PPM1L: variants seen among roughly 807,000 people sequenced by gnomAD.
The protein encoded by PPM1L is protein phosphatase 1L.
In PPM1L, 13 loss-of-function variants were observed where a neutral mutation model predicts 31.4. That is an observed-to-expected ratio of 0.41 (90% CI 0.27 to 0.66). PPM1L has a LOEUF of 0.66. Among genes scored for constraint, PPM1L ranks in the 30% least tolerant of loss-of-function variants. PPM1L has a pLI of 0.29. For missense variants in PPM1L, 326 were observed against 453.7 expected, an observed-to-expected ratio of 0.72 and a Z score of 2.56; for synonymous variants, 184 against 175.4, an observed-to-expected ratio of 1.05 and a Z score of -0.39.
chr3:161,043,036 T>A (rs1391203931), intron 2 of PPM1L, among the ~76,000 whole-genome samples: 1 of 116,768 alleles, frequency 8.6e-6, no homozygotes. Context: ...AAAAAAAAAT[T>A]GTTATTTTTT....
chr3:160,968,930 A>G (rs1716238342), intron 2 of PPM1L, among the ~76,000 whole-genome samples: 1 of 152,238 alleles, frequency 6.6e-6, no homozygotes, highest in Admixed American at 6.5e-5. Flanking sequence ...CAGTTTGGCT[A>G]GAAACCTATA....
At chr3:160,978,423 G>C (rs1716677721) in intron 2 of PPM1L, among the ~76,000 whole-genome samples, 1 of 152,202 alleles carries the variant, frequency 6.6e-6, no homozygotes, top group Non-Finnish European at 1.5e-5. Flanking sequence ...GAGCAAGAGA[G>C]TATGAAATGG....
At chr3:160,882,061 A>AG (rs1367615128) in intron 1 of PPM1L, among the ~76,000 whole-genome samples, 4 of 152,072 alleles carry the variant, frequency 2.6e-5, no homozygotes, top group Non-Finnish European at 5.9e-5. Flanking sequence ...AAAAAAAAAA[A>AG]AAAAGTATGT....
rs752320702 is a variant in PPM1L at position 161,078,150 on chromosome 3, G to A, written c.*8993G>A. 3 of 152,162 alleles carry A rather than the reference G, an allele frequency of 2.0e-5. No homozygotes were observed. The highest frequency in any genetic ancestry group is 4.4e-5 in the Non-Finnish European group (3 of 68,024). 9.4% of individuals were successfully genotyped at this position (152,162 alleles called of 1,614,324 possible). A position where few individuals can be genotyped will look rare whatever the true frequency, so the allele number is the denominator to read the frequency against. On this transcript the variant is annotated 3_prime_UTR_variant, in exon 4 of 4. Transcript: ENST00000498165. ...ACCAAGCCAATTTCTGATTTAGTAAGATTAAAACCATAGATGGAGCTCAGT... is the reference window on the plus strand; with the variant it reads ...ACCAAGCCAATTTCTGATTTAGTAAAATTAAAACCATAGATGGAGCTCAGT...
intron 2 of PPM1L, among the ~76,000 whole-genome samples, chr3:160,983,908 G>A (rs1046496860): frequency 2.0e-5 from 3 of 152,178 alleles, no homozygotes; most frequent in African/African-American, 7.2e-5. Flanking sequence ...GGGAGGGAGT[G>A]TACGAATAGG....
At chr3:160,887,165 A>G (rs1288765296) in intron 1 of PPM1L, among the ~76,000 whole-genome samples, 1 of 152,056 alleles carries the variant, frequency 6.6e-6, no homozygotes, top group Non-Finnish European at 1.5e-5. Context: ...TAGAGAAAAA[A>G]CAATGAAAAG....
At chr3:160,882,521 G>C (rs71314024) in intron 1 of PPM1L, among the ~76,000 whole-genome samples, 16 of 152,216 alleles carry the variant, frequency 1.1e-4, no homozygotes, top group Admixed American at 4.6e-4. Flanking sequence ...AAAAGATATT[G>C]GATTAGTTTC....
rs147298716 is a variant in PPM1L at position 160,980,712 on chromosome 3, A to AG, written c.574+18802_574+18803insG. Among the ~76,000 whole-genome samples, 231 of 148,120 alleles carry AG rather than the reference A, an allele frequency of 1.6e-3. 2 individuals carry two copies. Among genetic ancestry groups the AG allele is most frequent in the Non-Finnish European group, 2.6e-3 (173 of 67,530 alleles). The stretch of plus-strand genomic sequence containing the variant: ...GGAAAGAGAGAAAGAGAGAGAAAAA[A>AG]AAAGAGAGAGAGAGAGAGAAAAAGA... On this transcript the variant is annotated intron_variant, in intron 2 of 3. Transcript: ENST00000498165.
At chr3:161,043,873 C>A (rs1261614781) in intron 2 of PPM1L, among the ~76,000 whole-genome samples, 9 of 152,094 alleles carry the variant, frequency 5.9e-5, no homozygotes, top group Admixed American at 3.3e-4. Context: ...GTGATCAACT[C>A]CTCCCACTCA....
intron 1 of PPM1L, among the ~76,000 whole-genome samples, chr3:160,817,006 G>A (rs1713017517): frequency 6.6e-6 from 1 of 152,068 alleles, no homozygotes; most frequent in African/African-American, 2.4e-5. Context: ...TTGGCATAAA[G>A]AAGAATGTGG....
At chr3:160,775,573 G>A (rs1711541957) in intron 1 of PPM1L, among the ~76,000 whole-genome samples, 2 of 152,128 alleles carry the variant, frequency 1.3e-5, no homozygotes, top group African/African-American at 4.8e-5. Context: ...TAGGCAAGTG[G>A]TTTTCATCAG....
chr3:160,780,422 A>G (rs1052809287), intron 1 of PPM1L, among the ~76,000 whole-genome samples: 1 of 152,164 alleles, frequency 6.6e-6, no homozygotes, highest in Non-Finnish European at 1.5e-5. Flanking sequence ...TTCACTTCCT[A>G]CTTGTACCTG....
At chr3:161,049,585 A>G (rs984902570) in intron 2 of PPM1L, among the ~76,000 whole-genome samples, 11 of 152,282 alleles carry the variant, frequency 7.2e-5, no homozygotes, top group Middle Eastern at 3.4e-3. Flanking sequence ...CTCAAAAGCA[A>G]TCTGATATTG....
At chr3:160,785,374 T>C (rs1451705504) in intron 1 of PPM1L, among the ~76,000 whole-genome samples, 2 of 152,156 alleles carry the variant, frequency 1.3e-5, no homozygotes, top group African/African-American at 4.8e-5. Context: ...TAAAGTACCA[T>C]AAATCTGAAA....
At chr3:160,899,686 TG>T (rs1713473922) in intron 1 of PPM1L, among the ~76,000 whole-genome samples, 1 of 152,222 alleles carries the variant, frequency 6.6e-6, no homozygotes, top group South Asian at 2.1e-4. Context: ...GTTAGTTTTG[TG>T]TTATTTAATA....
At chr3:160,846,622 A>G (rs115905423) in intron 1 of PPM1L, among the ~76,000 whole-genome samples, 2,205 of 152,266 alleles carry the variant, frequency 0.014, 29 homozygotes, top group Middle Eastern at 0.031. Context: ...TAGAATATGT[A>G]TGGAAGATCA....
chr3:160,832,379 C>G (rs1420244965), intron 1 of PPM1L, among the ~76,000 whole-genome samples: 2 of 146,408 alleles, frequency 1.4e-5, no homozygotes, highest in Non-Finnish European at 2.9e-5. Context: ...GAGGTGATAG[C>G]CTGAGGACAG....
chr3:160,988,897 T>C (rs915603111), intron 2 of PPM1L, among the ~76,000 whole-genome samples: 3 of 152,164 alleles, frequency 2.0e-5, no homozygotes, highest in Non-Finnish European at 4.4e-5. Context: ...TCTGTGGTTC[T>C]CATGAGCAAT....
intron 1 of PPM1L, among the ~76,000 whole-genome samples, chr3:160,777,306 G>A (rs1485170505): frequency 6.6e-6 from 1 of 152,096 alleles, no homozygotes; most frequent in African/African-American, 2.4e-5. Context: ...GGGTGACAGA[G>A]CAAGACCTTA....
Sources: gnomAD v4.1 joint callset for allele counts (sites outside exome capture counted in the v4.1 genomes callset) on GRCh38, gnomAD v4.1.1 for gene constraint, MANE v1.5 for transcripts, NCBI Gene and HGNC (gene_info 2026-07-23, HGNC 2026-07-21) for gene names.